The following ANKMY1 variants were observed in gnomAD, a reference collection of about 807,000 sequenced individuals.
ANKMY1 encodes ankyrin repeat and MYND domain-containing protein 1.
A neutral mutation model predicts 102.0 loss-of-function variants in ANKMY1; 98 were observed. The ratio of observed to expected loss-of-function variants is 0.96; its 90% CI spans 0.82 to 1.14. The LOEUF is 1.14. Ranked by LOEUF, ANKMY1 falls within the 50% of genes most tolerant of loss-of-function variation. ANKMY1 has a pLI of 0.00. For missense variants in ANKMY1, 1,330 were observed against 1,347.6 expected (o/e 0.99, Z 0.20); for synonymous variants, 582 against 559.9 (o/e 1.04, Z -0.56).
chr2:240,514,076 C>T (rs1446886466), intron 9 of ANKMY1, among the ~76,000 whole-genome samples: 1 of 152,234 alleles, frequency 6.6e-6, no homozygotes, highest in Admixed American at 6.5e-5. Flanking sequence ...CCACACCCTC[C>T]TTACATGTTA....
intron 13 of ANKMY1, among the ~76,000 whole-genome samples, chr2:240,503,111 G>A (rs986450645): frequency 6.6e-5 from 10 of 152,180 alleles, no homozygotes; most frequent in Non-Finnish European, 1.0e-4. Flanking sequence ...GAACGGCACC[G>A]GGAGGGAAGG....
At chr2:240,518,533 T>C (rs1319550067) in intron 9 of ANKMY1, among the ~76,000 whole-genome samples, 2 of 152,230 alleles carry the variant, frequency 1.3e-5, no homozygotes, top group Non-Finnish European at 2.9e-5. Context: ...TGGCAGTACC[T>C]GTCATCTCAC....
intron 9 of ANKMY1, among the ~76,000 whole-genome samples, chr2:240,514,050 AAC>A (rs2080749278): frequency 6.6e-6 from 1 of 152,198 alleles, no homozygotes; most frequent in African/African-American, 2.4e-5. Flanking sequence ...GTGCATCTAC[AAC>A]AGTCAGCCGG....
At chr2:240,541,272 A>G (rs1436033430) in intron 4 of ANKMY1, among the ~76,000 whole-genome samples, 2 of 152,160 alleles carry the variant, frequency 1.3e-5, no homozygotes, top group Non-Finnish European at 2.9e-5. Flanking sequence ...CCAATCCATG[A>G]AGAGAGGAAG....
chr2:240,541,937 C>T (rs2152522429), intron 4 of ANKMY1, among the ~76,000 whole-genome samples: 1 of 151,918 alleles, frequency 6.6e-6, no homozygotes, highest in Admixed American at 6.5e-5. Flanking sequence ...TGGCCAGGCA[C>T]AGTGGCTCAC....
At chr2:240,537,639 C>A (rs898989942) in intron 4 of ANKMY1, among the ~76,000 whole-genome samples, 1 of 152,320 alleles carries the variant, frequency 6.6e-6, no homozygotes, top group Non-Finnish European at 1.5e-5. Context: ...TCTTCCCAAG[C>A]GACACGGAGG....
At chr2:240,473,123 T>TAAAAAAA in the ANKMY1 span, among the ~76,000 whole-genome samples, 2 of 108,510 alleles carry the variant, frequency 1.8e-5, no homozygotes, top group African/African-American at 8.1e-5. Context: ...AAACTCTGTC[T>TAAAAAAA]AAAAAAAAAA....
At chr2:240,558,222 C>A (rs2092630430), upstream of ANKMY1, 1 of 152,660 alleles carries the variant, frequency 6.6e-6, no homozygotes, top group Non-Finnish European at 1.5e-5. Context: ...TCCCCCAACA[C>A]TCCCGTGATG....
chr2:240,560,722 C>T (rs778568184), upstream of ANKMY1: 262 of 1,524,812 alleles, frequency 1.7e-4, no homozygotes, highest in Non-Finnish European at 2.2e-4. Context: ...GGGGCCGCCT[C>T]GCCCGTACCT....
intron 17 of ANKMY1, among the ~76,000 whole-genome samples, chr2:240,480,348 G>A (rs1339916555): frequency 6.6e-6 from 1 of 152,222 alleles, no homozygotes; most frequent in Non-Finnish European, 1.5e-5. Flanking sequence ...GGTCACCACT[G>A]CACAGCTTCG....
rs750079817 is a variant in ANKMY1, at chr2:240,529,214, A to G, written c.776T>C (p.Met259Thr). ...GTCACTGTTGGTCGAGTAGACATAC[A>G]TTTCTGGAGGCAGCGTTAGGTTGTC... ...LNDNLTLPPE[M>T]YVYSTNSDHL... is the part of the protein sequence containing the mutation. The change falls in exon 5 of 18, where the codon ATG (methionine) becomes ACG (threonine). Residue 259 changes from methionine to threonine, a missense_variant. Coordinates refer to ENST00000401804, the MANE Select transcript of ANKMY1 (RefSeq NM_001282771.3). This position sits in a 1 kb window ranked among gnomAD's most constrained non-coding sequence, Gnocchi z 4.2. 16 of 1,614,060 alleles carry G rather than the reference A, an allele frequency of 9.9e-6. No individual in the cohort carries two copies. In the Admixed American group the frequency reaches 2.0e-4, roughly 20 times the overall value.
intron 11 of ANKMY1, among the ~76,000 whole-genome samples, chr2:240,511,515 C>A (rs560120844): frequency 6.6e-6 from 1 of 152,354 alleles, no homozygotes; most frequent in African/African-American, 2.4e-5. Context: ...ATAAGACCAA[C>A]CCTGAGGTCC....
At chr2:240,500,206 G>A in intron 14 of ANKMY1, 83 bp from the exon 15 acceptor site, 9 of 1,446,534 alleles carry the variant, frequency 6.2e-6, no homozygotes, top group Non-Finnish European at 7.3e-6. Flanking sequence ...GAGGGCTCCT[G>A]TCAGCTCTTG....
Position 240,529,137 on chromosome 2 carries a change from G to A in ANKMY1, c.853C>T (p.Leu285Phe), listed in dbSNP as rs1320489906. Residue 285 changes from leucine (L) to phenylalanine (F), a missense_variant, in exon 5 of 18, where the codon CTC (leucine) becomes TTC (phenylalanine). Coordinates refer to ENST00000401804, the MANE Select transcript of ANKMY1 (RefSeq NM_001282771.3). The surrounding 1 kb of genome is among the most constrained non-coding windows in gnomAD (Gnocchi z 4.2). ...TCAACGAACGGAGGAATTTCATTGAGGAAGATGCGGGCGTCCAGCTCTTTG... is the reference window on the plus strand; with the variant it reads ...TCAACGAACGGAGGAATTTCATTGAAGAAGATGCGGGCGTCCAGCTCTTTG... The part of the protein sequence containing the change: ...FRKELDARIF[L>F]NEIPPFVEDG... 1 of 1,614,206 alleles carries A rather than the reference G, an allele frequency of 6.2e-7. No homozygotes were observed. The highest frequency in any genetic ancestry group is 8.5e-7 in the Non-Finnish European group (1 of 1,180,028).
At chr2:240,557,615 G>A (rs1338799933) in intron 1 of ANKMY1, among the ~76,000 whole-genome samples, 1 of 152,224 alleles carries the variant, frequency 6.6e-6, no homozygotes, top group Non-Finnish European at 1.5e-5. Context: ...CAGCAAGGGC[G>A]GTCGCGGCCA....
At chr2:240,550,283 T>C (rs942292711) in intron 4 of ANKMY1, among the ~76,000 whole-genome samples, 3 of 147,454 alleles carry the variant, frequency 2.0e-5, no homozygotes, top group African/African-American at 7.6e-5. Flanking sequence ...AAACACCGCG[T>C]ATTCTCACTC....
At chr2:240,472,806 C>G in the ANKMY1 span, among the ~76,000 whole-genome samples, 6 of 152,166 alleles carry the variant, frequency 3.9e-5, no homozygotes, top group South Asian at 1.0e-3. Context: ...ATGCAAGGCT[C>G]TATGAATAAT....
the ANKMY1 span, among the ~76,000 whole-genome samples, chr2:240,471,748 G>A: frequency 1.3e-5 from 2 of 152,198 alleles, no homozygotes; most frequent in Admixed American, 6.5e-5. Flanking sequence ...AGGAGGCTGG[G>A]AAATCCTGAT....
chr2:240,515,187 C>A (rs930487428), intron 9 of ANKMY1, among the ~76,000 whole-genome samples: 5 of 152,176 alleles, frequency 3.3e-5, no homozygotes, highest in African/African-American at 1.2e-4. Flanking sequence ...AGGCCAGTGT[C>A]TGGGCCCCAG....
Sources: allele counts gnomAD v4.1 joint callset (sites outside exome capture counted in the v4.1 genomes callset), GRCh38; gene constraint gnomAD v4.1.1; non-coding constraint Gnocchi (gnomAD v3.1); transcripts MANE v1.5; gene names NCBI Gene and HGNC (gene_info 2026-07-23, HGNC 2026-07-21).